HS6ST2: variants seen among roughly 807,000 people sequenced by gnomAD.
HS6ST2 encodes heparan sulfate 6-O-sulfotransferase 2, also known as heparan-sulfate 6-O-sulfotransferase 2.
HS6ST2 carries 17 observed loss-of-function variants against 33.0 expected under a neutral mutation model. The ratio of observed to expected loss-of-function variants is 0.52; its 90% CI spans 0.35 to 0.77. The LOEUF (loss-of-function observed/expected upper bound fraction) is 0.77, where lower values mean the gene tolerates loss of function less well. Among genes scored for constraint, HS6ST2 ranks in the 30% least tolerant of loss-of-function variants. The pLI is 0.01. For synonymous variants in HS6ST2, 248 were observed against 237.1 expected (o/e 1.05, Z -0.42); for missense variants, 519 against 551.7 (o/e 0.94, Z 0.59).
In HS6ST2 at chrX:132,770,122, T is replaced by C. The variant is rs766004928; in HGVS notation, c.948-61628A>G. ...AGTTATCATCTCCTGAGTGCTGCTA[T>C]AGTGTTATGTGCCACACACTCTCCT... is the stretch of plus-strand genomic sequence containing the variant. On this transcript the variant is annotated intron_variant, in intron 2 of 4. Transcript: ENST00000370833. Among the ~76,000 whole-genome samples, 103 of 111,924 alleles carry C rather than the reference T, an allele frequency of 9.2e-4. No individual in the cohort carries two copies. In the Middle Eastern group the frequency reaches 0.014, roughly 15 times the overall value.
intron 3 of HS6ST2, among the ~76,000 whole-genome samples, chrX:132,696,191 T>C (rs1485398221): frequency 8.9e-6 from 1 of 111,946 alleles, no homozygotes; most frequent in African/African-American, 3.2e-5. Context: ...CACAGTTCAC[T>C]GGTCTACCAT....
At chrX:132,708,574 G>A (rs2064205394) in intron 2 of HS6ST2, 80 bp from the exon 3 acceptor site, 2 of 865,829 alleles carry the variant, frequency 2.3e-6, no homozygotes, top group Admixed American at 2.7e-5. Flanking sequence ...TTTCCATTGT[G>A]CTTTAAGAGC....
At chrX:132,914,531 T>C (rs1016069258) in intron 2 of HS6ST2, among the ~76,000 whole-genome samples, 2 of 112,709 alleles carry the variant, frequency 1.8e-5, no homozygotes, top group Non-Finnish European at 3.7e-5. Context: ...ATTGTGTGTT[T>C]AGTTATTTTT....
chrX:132,692,459 G>A (rs951608825), intron 3 of HS6ST2, among the ~76,000 whole-genome samples: 3 of 110,637 alleles, frequency 2.7e-5, no homozygotes, highest in Non-Finnish European at 5.7e-5. Flanking sequence ...TCCTTCCCCT[G>A]CTTGACAACC....
At chrX:132,749,286 T>G (rs529470646) in intron 2 of HS6ST2, among the ~76,000 whole-genome samples, 1 of 112,787 alleles carries the variant, frequency 8.9e-6, no homozygotes, top group East Asian at 2.8e-4. Flanking sequence ...CATCTAATAT[T>G]GGAACAATTA....
chrX:132,784,700 G>C (rs1311205545), intron 2 of HS6ST2, among the ~76,000 whole-genome samples: 1 of 111,620 alleles, frequency 9.0e-6, no homozygotes, highest in Non-Finnish European at 1.9e-5. Context: ...ACACACAATG[G>C]TTGTGAGCTA....
intron 4 of HS6ST2, among the ~76,000 whole-genome samples, chrX:132,650,675 C>T (rs1054220935): frequency 8.2e-5 from 9 of 109,238 alleles, no homozygotes; most frequent in Admixed American, 2.0e-4. Flanking sequence ...GGCTTTCACA[C>T]CCCCTTTTCC....
At chrX:132,804,551 G>C (rs1332172326) in intron 2 of HS6ST2, among the ~76,000 whole-genome samples, 4 of 112,462 alleles carry the variant, frequency 3.6e-5, no homozygotes, top group Non-Finnish European at 7.5e-5. Flanking sequence ...TGTAATCCCA[G>C]CACTTTGGGA....
intron 2 of HS6ST2, among the ~76,000 whole-genome samples, chrX:132,931,961 C>T (rs761949769): frequency 2.7e-4 from 29 of 108,691 alleles, no homozygotes; most frequent in African/African-American, 7.7e-4. Flanking sequence ...CGAAGGTGGG[C>T]GGATCACAAG....
chrX:132,828,731 C>A (rs866809011), intron 2 of HS6ST2, among the ~76,000 whole-genome samples: 1 of 93,069 alleles, frequency 1.1e-5, no homozygotes, highest in African/African-American at 4.1e-5. Context: ...CACACACACA[C>A]ACACACATAC....
chrX:132,629,866 G>A (rs1482423925), intron 4 of HS6ST2, among the ~76,000 whole-genome samples: 1 of 112,103 alleles, frequency 8.9e-6, no homozygotes, highest in Non-Finnish European at 1.9e-5. Flanking sequence ...AATATTCCCA[G>A]GATAGGAAAC....
At chrX:132,947,203 T>TTA (rs1030853365) in intron 2 of HS6ST2, among the ~76,000 whole-genome samples, 21 of 109,306 alleles carry the variant, frequency 1.9e-4, no homozygotes, top group Admixed American at 5.0e-4. Flanking sequence ...GGTGCAGATT[T>TTA]TATATATATA....
chrX:132,723,921 G>A (rs767853192), intron 2 of HS6ST2, among the ~76,000 whole-genome samples: 1 of 111,427 alleles, frequency 9.0e-6, no homozygotes, highest in South Asian at 3.8e-4. Context: ...CGGATCACAA[G>A]GTCAGGAGAT....
intron 2 of HS6ST2, among the ~76,000 whole-genome samples, chrX:132,889,423 G>T (rs1033664865): frequency 1.8e-5 from 2 of 111,020 alleles, no homozygotes; most frequent in Non-Finnish European, 3.8e-5. Context: ...GCAAGAGAAG[G>T]GGGGAAGTGG....
intron 2 of HS6ST2, among the ~76,000 whole-genome samples, chrX:132,863,668 G>A (rs1431837765): frequency 9.1e-6 from 1 of 110,462 alleles, no homozygotes; most frequent in African/African-American, 3.3e-5. Flanking sequence ...GATAAACTCT[G>A]GGTGAGCTGA....
chrX:132,646,334 T>G (rs2063641973), intron 4 of HS6ST2, among the ~76,000 whole-genome samples: 1 of 110,615 alleles, frequency 9.0e-6, no homozygotes, highest in Non-Finnish European at 1.9e-5. Context: ...CAATGAAGAC[T>G]TATTGGTCAT....
At chrX:132,897,830 T>C (rs1321845099) in intron 2 of HS6ST2, among the ~76,000 whole-genome samples, 1 of 111,660 alleles carries the variant, frequency 9.0e-6, no homozygotes, top group African/African-American at 3.3e-5. Context: ...AGTCATTGCA[T>C]ACTCTCAGAA....
intron 2 of HS6ST2, among the ~76,000 whole-genome samples, chrX:132,783,929 T>C (rs978068335): frequency 2.7e-5 from 3 of 111,478 alleles, no homozygotes; most frequent in Non-Finnish European, 5.7e-5. Context: ...AAGGCAAGGG[T>C]TGCCAAAAAT....
intron 2 of HS6ST2, among the ~76,000 whole-genome samples, chrX:132,773,337 A>C (rs778381668): frequency 9.2e-6 from 1 of 108,845 alleles, no homozygotes; most frequent in East Asian, 2.8e-4. Flanking sequence ...AGTGTTGACA[A>C]AGATGTGGAG....
Sources: allele counts gnomAD v4.1 joint callset (sites outside exome capture counted in the v4.1 genomes callset), GRCh38; gene constraint gnomAD v4.1.1; transcripts MANE v1.5; gene names NCBI Gene and HGNC (gene_info 2026-07-23, HGNC 2026-07-21).